Variants in HAUS7 observed in about 807,000 individuals in gnomAD.
The protein encoded by HAUS7 is HAUS augmin like complex subunit 7.
HAUS7 carries 3 observed loss-of-function variants against 28.4 expected under a neutral mutation model. The ratio of observed to expected loss-of-function variants is 0.11; its 90% confidence interval spans 0.05 to 0.27. The LOEUF (loss-of-function observed/expected upper bound fraction) is 0.27, where lower values mean the gene tolerates loss of function less well. Among genes scored for constraint, HAUS7 ranks in the 10% least tolerant of loss-of-function variants. The pLI, the probability that HAUS7 is intolerant of heterozygous loss-of-function variation, is 1.00. For synonymous variants in HAUS7, 165 were observed against 132.1 expected (o/e 1.25, Z -1.71); for missense variants, 284 against 297.3 (o/e 0.96, Z 0.33).
chrX:153,487,821 G>A (rs965930367), intron 1 of HAUS7, among the ~76,000 whole-genome samples: 3 of 112,573 alleles, frequency 2.7e-5, no homozygotes, highest in Non-Finnish European at 5.6e-5. Flanking sequence ...CAGCCCTGCC[G>A]AGCCCTGAAG....
At position 153,482,742 on chromosome X, in the gene HAUS7, G is replaced by T. The variant is rs967549100; in HGVS notation, c.-588-11597C>A. The T allele has an allele frequency of 1.7e-5, 13 of 755,835 alleles. No homozygotes were observed. In the African/African-American group the frequency reaches 2.7e-4, roughly 16 times the overall value. The allele number at this position is 755,835 out of a possible 1,213,427, so 62.3% of individuals were successfully genotyped here. On this transcript the variant is annotated intron_variant, in intron 1 of 5. Transcript: ENST00000370210. ...GCTCAGCCAGCTGTTGACGCTGGAGGTGGAAGGGAACCAGCTGCGTGACAG... is the reference window on the plus strand; with the variant it reads ...GCTCAGCCAGCTGTTGACGCTGGAGTTGGAAGGGAACCAGCTGCGTGACAG...
At chrX:153,451,051 G>A (rs919392674) in intron 9 of HAUS7, among the ~76,000 whole-genome samples, 3 of 112,339 alleles carry the variant, frequency 2.7e-5, no homozygotes, top group South Asian at 3.7e-4. Flanking sequence ...GCCGATGCCC[G>A]CCGTAGGCCT....
At chrX:153,468,242 T>A (rs2089477943) in intron 2 of HAUS7, among the ~76,000 whole-genome samples, 1 of 112,229 alleles carries the variant, frequency 8.9e-6, no homozygotes, top group Admixed American at 9.3e-5. Flanking sequence ...TCCCCACTGC[T>A]CTACTGCCAG....
chrX:153,453,856 G>A (rs1440563611), intron 9 of HAUS7, among the ~76,000 whole-genome samples: 1 of 102,508 alleles, frequency 9.8e-6, no homozygotes, highest in African/African-American at 3.6e-5. Context: ...GGGTCTGGCT[G>A]TCACCCAGGC....
rs782403619 is a variant in HAUS7, at chrX:153,455,734, C to T, written c.738G>A (p.Ala246=). Residue 246 remains alanine (A), a synonymous_variant, in exon 8 of 10, where the codon GCG becomes GCA. Coordinates refer to ENST00000370211, the MANE Select transcript of HAUS7 (RefSeq NM_001385482.1). ...YFAQHEQGAA[A]GAADISTLDQ... Reference sequence around the variant, plus strand: ...CTAGGGTGCTGATGTCGGCTGCGCCCGCAGCAGCCCCTTGCTCATGCTGTG... The same window carrying T: ...CTAGGGTGCTGATGTCGGCTGCGCCTGCAGCAGCCCCTTGCTCATGCTGTG... The T allele has an allele frequency of 9.4e-5, 113 of 1,197,452 alleles. No homozygotes were observed. Among genetic ancestry groups the T allele is most frequent in the Admixed American group, 1.3e-4 (6 of 45,909 alleles).
intron 9 of HAUS7, among the ~76,000 whole-genome samples, chrX:153,452,761 T>A (rs1273282513): frequency 8.9e-6 from 1 of 111,845 alleles, no homozygotes; most frequent in African/African-American, 3.3e-5. Flanking sequence ...GACAGGTGGA[T>A]CACCTGAGGT....
chrX:153,484,837 G>A (rs1240877124), intron 1 of HAUS7, among the ~76,000 whole-genome samples: 2 of 112,973 alleles, frequency 1.8e-5, no homozygotes, highest in Non-Finnish European at 1.9e-5. Context: ...TGCCTCAGCC[G>A]CGGCCTCTCC....
chrX:153,486,631 C>T (rs1424480097), intron 1 of HAUS7: 4 of 981,209 alleles, frequency 4.1e-6, no homozygotes, highest in African/African-American at 2.0e-5. Flanking sequence ...CCCTTGCAGA[C>T]AAGTGCCCTT....
chrX:153,488,953 C>T (rs1193631482), intron 1 of HAUS7, among the ~76,000 whole-genome samples: 1 of 112,692 alleles, frequency 8.9e-6, no homozygotes, highest in African/African-American at 3.2e-5. Context: ...GGGGCTAATC[C>T]TCCTGTGACC....
upstream of HAUS7, among the ~76,000 whole-genome samples, chrX:153,472,712 T>G (rs1256244912): frequency 1.7e-4 from 14 of 83,565 alleles, no homozygotes; most frequent in Admixed American, 2.6e-4. Flanking sequence ...CCCAGGGAGG[T>G]GGGTGGGCGG....
chrX:153,471,007 G>C (rs1358717297), upstream of HAUS7: 6 of 330,113 alleles, frequency 1.8e-5, no homozygotes, highest in African/African-American at 1.6e-4. Flanking sequence ...TGCCTTGGTC[G>C]GGTTCTCCTG....
intron 1 of HAUS7, among the ~76,000 whole-genome samples, chrX:153,494,214 G>A (rs782350064): frequency 8.9e-6 from 1 of 112,302 alleles, no homozygotes; most frequent in South Asian, 3.7e-4. Context: ...ACAGGGCTGA[G>A]CCCAGAGGAA....
chrX:153,471,905 C>T (rs1374693017), upstream of HAUS7, among the ~76,000 whole-genome samples: 1 of 112,765 alleles, frequency 8.9e-6, no homozygotes, highest in Non-Finnish European at 1.9e-5. Flanking sequence ...TCAGGCCCTT[C>T]TGGTAGCTGA....
Position 153,457,189 on chromosome X carries a change from G to T in HAUS7, c.394C>A (p.Gln132Lys). The change falls in exon 5 of 10, where the codon CAG (glutamine) becomes AAG (lysine). Residue 132 changes from glutamine to lysine, a missense_variant. Transcript: ENST00000370211. ...AGGCTCCGGATGGTATCGAGCAACT[G>T]GTCCATGAAGTGTAGCTGCTTCTGG... ...CAQKQLHFMDQLLDTIRSLTI... is the reference protein window; with the variant it reads ...CAQKQLHFMDKLLDTIRSLTI... 1 of 1,203,493 alleles carries T rather than the reference G, an allele frequency of 8.3e-7. No individual in the cohort carries two copies. The highest frequency in any genetic ancestry group is 1.1e-6 in the Non-Finnish European group (1 of 887,625).
At chrX:153,471,284 C>T (rs2089522066), upstream of HAUS7, 1 of 228,962 alleles carries the variant, frequency 4.4e-6, no homozygotes, top group Non-Finnish European at 8.4e-6. Context: ...ATGAGGATGG[C>T]AGGCGGTAAT....
At chrX:153,462,970 A>G (rs2089411837) in intron 3 of HAUS7, 2 of 432,229 alleles carry the variant, frequency 4.6e-6, no homozygotes, top group East Asian at 9.2e-5. Context: ...GGGGTCAGTG[A>G]ACCTCTACAG....
chrX:153,466,541 G>A (rs1383371312), intron 2 of HAUS7, among the ~76,000 whole-genome samples: 1 of 112,100 alleles, frequency 8.9e-6, no homozygotes, highest in African/African-American at 3.2e-5. Flanking sequence ...GTTCTACTGG[G>A]AGGAGATGAA....
At chrX:153,467,879 G>A (rs1191023061) in intron 2 of HAUS7, among the ~76,000 whole-genome samples, 1 of 112,857 alleles carries the variant, frequency 8.9e-6, no homozygotes, top group Non-Finnish European at 1.9e-5. Context: ...AGAGGGAAGC[G>A]GAATACATTC....
At chrX:153,494,938 G>GCCTGCCCAGCCTTTAGCCT (rs2089698665) in intron 1 of HAUS7, 1 of 80,931 alleles carries the variant, frequency 1.2e-5, no homozygotes, top group Non-Finnish European at 2.3e-5. Flanking sequence ...CCGTCGGCCC[G>GCCTGCCCAGCCTTTAGCCT]CCTGCCCAGC....
Sources: gnomAD v4.1 joint callset for allele counts (sites outside exome capture counted in the v4.1 genomes callset) on GRCh38, gnomAD v4.1.1 for gene constraint, MANE v1.5 for transcripts, NCBI Gene and HGNC (gene_info 2026-07-23, HGNC 2026-07-21) for gene names.